FBN2: variants seen among roughly 807,000 people sequenced by gnomAD.
FBN2 encodes fibrillin-2.
In FBN2, 105 loss-of-function variants were observed where a neutral mutation model predicts 355.6. That is an observed-to-expected ratio of 0.30 (90% CI 0.25 to 0.35). The LOEUF (loss-of-function observed/expected upper bound fraction) is 0.35. Among genes scored for constraint, FBN2 ranks in the 10% least tolerant of loss-of-function variants. FBN2 has a pLI of 1.00. For synonymous variants in FBN2, 1,350 were observed against 1,301.2 expected (o/e 1.04, Z -0.81); for missense variants, 3,280 against 3,758.7 (o/e 0.87, Z 3.33).
In FBN2 at chr5:128,311,052, C is replaced by T. The variant is rs1251776696; in HGVS notation, c.5074+248G>A. 3.3e-5 allele frequency among the ~76,000 whole-genome samples: 5 copies of T among 152,030 alleles called. No homozygotes were observed. In the East Asian group the frequency reaches 5.8e-4, roughly 18 times the overall value. On this transcript the variant is annotated intron_variant, in intron 39 of 64. Coordinates refer to ENST00000262464, the MANE Select transcript of FBN2 (RefSeq NM_001999.4). Reference sequence around the variant, plus strand: ...TTACTTAATATTTTAGGTTTTCACACTACCCCATTTTCCCAATTTATATTT... The same window carrying T: ...TTACTTAATATTTTAGGTTTTCACATTACCCCATTTTCCCAATTTATATTT...
chr5:128,290,997 T>C (rs1302300997), intron 49 of FBN2, 113 bp from the exon 50 acceptor site: 2 of 991,870 alleles, frequency 2.0e-6, no homozygotes, highest in East Asian at 2.5e-5. Flanking sequence ...AAGGCAGGTC[T>C]GGAAATCTTC....
intron 7 of FBN2, among the ~76,000 whole-genome samples, chr5:128,409,935 T>C (rs1054706913): frequency 2.6e-5 from 4 of 152,164 alleles, no homozygotes; most frequent in African/African-American, 9.7e-5. Flanking sequence ...CTTTTATTGG[T>C]CTATTCATTA....
chr5:128,352,362 C>T lies in FBN2; in HGVS notation c.2675-1357G>A, dbSNP rs559234395. On this transcript the variant is annotated intron_variant, in intron 20 of 64. Coordinates refer to ENST00000262464, the MANE Select transcript of FBN2 (RefSeq NM_001999.4). ...AACCATTCCTAACGTTTTAGACTGA[C>T]TCCACATCAAATTTGTTCTTCCTTT... Among the ~76,000 whole-genome samples the T allele has an allele frequency of 9.2e-5, 14 of 152,310 alleles. No homozygotes were observed. The South Asian group carries it at 1.4e-3, about 16-fold the overall frequency.
chr5:128,325,096 G>T (rs1340325395), intron 34 of FBN2, among the ~76,000 whole-genome samples: 5 of 152,170 alleles, frequency 3.3e-5, no homozygotes, highest in Non-Finnish European at 7.3e-5. Flanking sequence ...TTGATTTGGG[G>T]TGGAGAGTTC....
chr5:128,521,144 A>C (rs868490873), intron 4 of FBN2, among the ~76,000 whole-genome samples: 1 of 152,320 alleles, frequency 6.6e-6, no homozygotes, highest in South Asian at 2.1e-4. Context: ...AGACTGGATA[A>C]AGAAAATGTG....
At chr5:128,470,109 T>G (rs1292055003) in intron 5 of FBN2, among the ~76,000 whole-genome samples, 1 of 152,086 alleles carries the variant, frequency 6.6e-6, no homozygotes, top group African/African-American at 2.4e-5. Flanking sequence ...TGGAAGGGAA[T>G]GAGTCTGCTG....
At chr5:128,366,575 A>T in intron 16 of FBN2, 145 bp from the exon 17 acceptor site, 1 of 541,776 alleles carries the variant, frequency 1.8e-6, no homozygotes, top group East Asian at 3.1e-5. Flanking sequence ...TTTTCTAGCA[A>T]ACAATTATTA....
At chr5:128,393,033 G>A in intron 10 of FBN2, 102 bp downstream of exon 10, 1 of 923,904 alleles carries the variant, frequency 1.1e-6, no homozygotes, top group East Asian at 2.4e-5. Flanking sequence ...ACATGTGCAA[G>A]TGTGTTCATA....
At chr5:128,274,196 C>G (rs1414265700) in intron 60 of FBN2, among the ~76,000 whole-genome samples, 3 of 152,158 alleles carry the variant, frequency 2.0e-5, no homozygotes, top group Admixed American at 6.5e-5. Flanking sequence ...ATTGAAGGCA[C>G]ACTGACTAAA....
At chr5:128,360,821 C>T (rs565448336) in intron 19 of FBN2, among the ~76,000 whole-genome samples, 1 of 150,202 alleles carries the variant, frequency 6.7e-6, no homozygotes, top group Admixed American at 6.6e-5. Flanking sequence ...AAAAAAAAAA[C>T]CAAATACTTT....
At chr5:128,433,052 C>T (rs1431013530) in intron 7 of FBN2, among the ~76,000 whole-genome samples, 2 of 152,108 alleles carry the variant, frequency 1.3e-5, no homozygotes, top group African/African-American at 4.8e-5. Context: ...AATCACCTCC[C>T]ACCAAGTCCT....
intron 5 of FBN2, among the ~76,000 whole-genome samples, chr5:128,510,160 G>A (rs565623543): frequency 1.3e-5 from 2 of 152,170 alleles, no homozygotes; most frequent in African/African-American, 4.8e-5. Flanking sequence ...CGTAGCACAG[G>A]AGTGTTCAAT....
intron 5 of FBN2, among the ~76,000 whole-genome samples, chr5:128,517,973 G>A (rs1052387242): frequency 6.6e-6 from 1 of 151,842 alleles, no homozygotes; most frequent in South Asian, 2.1e-4. Flanking sequence ...GTTATGGCTC[G>A]ATGCTAGTTA....
rs1287331502 is a variant in FBN2, at chr5:128,311,824, C to G, written c.4948+61G>C. ...TGCTCTGCCCTAGGTTTTCTGCCAG[C>G]TTTTCTCTATAATTAACTCTTTACC... On this transcript the variant is annotated intron_variant, in intron 38 of 64. Transcript: ENST00000262464. 8.4e-6 allele frequency: 11 copies of G among 1,307,282 alleles called. No individual in the cohort carries two copies. The East Asian group carries it at 9.2e-5, about 11-fold the overall frequency. The allele number at this position is 1,307,282 out of a possible 1,614,324, so 81.0% of individuals were successfully genotyped here. A position where few individuals can be genotyped will look rare whatever the true frequency, so the allele number is the denominator to read the frequency against.
chr5:128,308,270 G>T (rs1000196252), intron 41 of FBN2, among the ~76,000 whole-genome samples: 1 of 152,028 alleles, frequency 6.6e-6, no homozygotes, highest in Admixed American at 6.6e-5. Flanking sequence ...CCAAATCAAT[G>T]ATCTTAAATT....
At chr5:128,320,686 TTCTA>T (rs1328825171) in intron 34 of FBN2, among the ~76,000 whole-genome samples, 2 of 152,210 alleles carry the variant, frequency 1.3e-5, no homozygotes, top group Non-Finnish European at 2.9e-5. Context: ...TCAAAAATGT[TTCTA>T]TCTAGAAAGA....
chr5:128,420,532 G>T (rs1032014015), intron 7 of FBN2, among the ~76,000 whole-genome samples: 1 of 152,068 alleles, frequency 6.6e-6, no homozygotes, highest in African/African-American at 2.4e-5. Context: ...GTTAGCTTTA[G>T]CTATAGTATA....
At chr5:128,505,244 T>G (rs978558485) in intron 5 of FBN2, among the ~76,000 whole-genome samples, 1 of 152,168 alleles carries the variant, frequency 6.6e-6, no homozygotes, top group African/African-American at 2.4e-5. Context: ...GAAAAACTCA[T>G]ACTGATTATG....
intron 48 of FBN2, among the ~76,000 whole-genome samples, chr5:128,295,544 T>A: frequency 6.9e-6 from 1 of 144,456 alleles, no homozygotes; most frequent in African/African-American, 2.7e-5. Flanking sequence ...CTTGAAGAGG[T>A]CCTTCACATC....
Sources: gnomAD v4.1 joint callset for allele counts (sites outside exome capture counted in the v4.1 genomes callset) on GRCh38, gnomAD v4.1.1 for gene constraint, MANE v1.5 for transcripts, NCBI Gene and HGNC (gene_info 2026-07-23, HGNC 2026-07-21) for gene names.